Variants in PTK7 observed in about 807,000 individuals in gnomAD.
PTK7 encodes the protein protein tyrosine kinase 7 (inactive).
Under a neutral mutation model 116.6 loss-of-function variants are expected in PTK7, and 39 were observed. The observed-to-expected ratio is 0.33, with a 90% CI of 0.26 to 0.44. PTK7 has a LOEUF of 0.44. PTK7 is among the 20% of genes least tolerant of loss of function. PTK7 has a pLI of 1.00. For synonymous variants in PTK7, 546 were observed against 563.6 expected, an observed-to-expected ratio of 0.97 and a Z score of 0.44; for missense variants, 1,169 against 1,425.6, an observed-to-expected ratio of 0.82 and a Z score of 2.90.
In PTK7 at chr6:43,088,706, T is replaced by C. The variant is rs555143355; in HGVS notation, c.79+12139T>C. ...CGCCATCTCAAAATAAATAAATAAA[T>C]AAATAAATAAATAAATAAATAAATA... On this transcript the variant is annotated intron_variant, in intron 1 of 19. Coordinates refer to ENST00000230419, the MANE Select transcript of PTK7 (RefSeq NM_002821.5). Among the ~76,000 whole-genome samples the C allele has an allele frequency of 3.5e-4, 53 of 151,524 alleles. 1 individual carries two copies. Among genetic ancestry groups the C allele is most frequent in the Non-Finnish European group, 6.2e-4 (42 of 67,846 alleles).
intron 7 of PTK7, among the ~76,000 whole-genome samples, chr6:43,134,072 T>C (rs1769876524): frequency 6.6e-6 from 1 of 152,220 alleles, no homozygotes; most frequent in African/African-American, 2.4e-5. Context: ...GGAGTCTCAC[T>C]CTGTCACCCA....
intron 6 of PTK7, 69 bp from the exon 7 acceptor site, chr6:43,132,352 T>C (rs1769738133): frequency 6.6e-7 from 1 of 1,522,812 alleles, no homozygotes; most frequent in Admixed American, 2.0e-5. Flanking sequence ...CTAGGCTTGC[T>C]GTGGGAGAAC....
At position 43,129,447 on chromosome 6, in the gene PTK7, A is replaced by G; in HGVS notation, c.367+183A>G. On this transcript the variant is annotated intron_variant, in intron 2 of 19. Transcript: ENST00000230419. The surrounding 1 kb of genome is among the most constrained non-coding windows in gnomAD (Gnocchi z 4.5). The stretch of plus-strand genomic sequence containing the variant: ...AAATTAAAAGTTATATTTTTTCCAA[A>G]ATTTTTTCCTTCAAGTCTGGGACCC... The G allele has an allele frequency of 1.0e-6, 1 of 957,016 alleles. No individual in the cohort carries two copies. The allele number at this position is 957,016 out of a possible 1,614,324, so 59.3% of individuals were successfully genotyped here.
Position 43,142,026 on chromosome 6 carries a change from C to T in PTK7, c.1864C>T (p.Leu622=). The T allele has an allele frequency of 6.2e-7, 1 of 1,614,004 alleles. No individual in the cohort carries two copies. Among genetic ancestry groups the T allele is most frequent in the Non-Finnish European group, 8.5e-7 (1 of 1,180,002 alleles). Residue 622 remains leucine (L), a synonymous_variant, in exon 12 of 20, where the codon CTG becomes TTG. Coordinates refer to ENST00000230419, the MANE Select transcript of PTK7 (RefSeq NM_002821.5). The part of the protein sequence containing the change: ...QCEAQGDPKP[L]IQWKGKDRIL... ...CGAGGCCCAGGGGGACCCCAAGCCG[C>T]TGATTCAGTGGAAAGGCAAGGACCG...
Position 43,124,994 on chromosome 6 carries a change from G to A in PTK7, c.80-3983G>A, listed in dbSNP as rs142038849. Among the ~76,000 whole-genome samples, 819 of 152,270 alleles carry A rather than the reference G, an allele frequency of 5.4e-3. 7 individuals carry two copies. The highest frequency in any genetic ancestry group is 0.019 in the African/African-American group (777 of 41,546). On this transcript the variant is annotated intron_variant, in intron 1 of 19. Coordinates refer to ENST00000230419, the MANE Select transcript of PTK7 (RefSeq NM_002821.5). The stretch of plus-strand genomic sequence containing the variant: ...TCGAGACCAGCCTGACCAACATGGA[G>A]AAACTCAGTCTCTACTAAAAATACA...
chr6:43,076,576 C>T lies in PTK7; in HGVS notation c.79+9C>T, dbSNP rs1189910294. The T allele has an allele frequency of 7.6e-6, 12 of 1,574,750 alleles. No homozygotes were observed. Among genetic ancestry groups the T allele is most frequent in the African/African-American group, 1.4e-5 (1 of 71,634 alleles). ...GCTGCCGCTGCTGGGCGGTGAGTAC[C>T]CGAGAGTTGGGGGCACAGAGCTTGG... On this transcript the variant is annotated intron_variant, in intron 1 of 19. Coordinates refer to ENST00000230419, the MANE Select transcript of PTK7 (RefSeq NM_002821.5). The surrounding 1 kb of genome is among the most constrained non-coding windows in gnomAD (Gnocchi z 5.7).
rs374991184 is a variant in PTK7 at position 43,158,982 on chromosome 6, C to T, written c.2873+14C>T. The T allele has an allele frequency of 1.3e-5, 21 of 1,612,326 alleles. No homozygotes were observed. The highest frequency in any genetic ancestry group is 1.6e-4 in the Middle Eastern group (1 of 6,070). Reference sequence around the variant, plus strand: ...TGTGTACAACAGGTAGAAGGGCATGCGTGGGGTGGGGGCTCCCCATTTTTT... The same window carrying T: ...TGTGTACAACAGGTAGAAGGGCATGTGTGGGGTGGGGGCTCCCCATTTTTT... On this transcript the variant is annotated intron_variant, in intron 18 of 19. Coordinates refer to ENST00000230419, the MANE Select transcript of PTK7 (RefSeq NM_002821.5).
At chr6:43,157,364 A>ATATATATATATATATATTTTTTT (rs70990168) in intron 17 of PTK7, among the ~76,000 whole-genome samples, 1 of 54,358 alleles carries the variant, frequency 1.8e-5, no homozygotes, top group Non-Finnish European at 3.3e-5. Context: ...ATATATATAT[A>ATATATATATATATATATTTTTTT]TTTTTTTTTT....
At chr6:43,112,899 G>T (rs1768271186) in intron 1 of PTK7, among the ~76,000 whole-genome samples, 2 of 152,176 alleles carry the variant, frequency 1.3e-5, no homozygotes, top group African/African-American at 4.8e-5. Flanking sequence ...CACAATCATA[G>T]CTCACTGTAA....
chr6:43,144,320 G>T, intron 14 of PTK7, 131 bp from the exon 15 acceptor site: 78 of 952,810 alleles, frequency 8.2e-5, no homozygotes, highest in East Asian at 1.3e-4. Flanking sequence ...ATTTGGGCTT[G>T]CCCTTTCATG....
intron 1 of PTK7, among the ~76,000 whole-genome samples, chr6:43,110,515 G>A (rs1434279498): frequency 2.0e-5 from 3 of 151,958 alleles, no homozygotes; most frequent in Non-Finnish European, 4.4e-5. Flanking sequence ...GGGTTCAAGC[G>A]ATTCTCTTGC....
In PTK7 at chr6:43,139,056, T is replaced by C. The variant is rs1770222470; in HGVS notation, c.1362+74T>C. ...TTGCCCTCTTCTGTGCTCACCTCCA[T>C]AGCACTCTTACCCTGGAGGCAGCCT... is the stretch of plus-strand genomic sequence containing the variant. On this transcript the variant is annotated intron_variant, in intron 8 of 19. Coordinates refer to ENST00000230419, the MANE Select transcript of PTK7 (RefSeq NM_002821.5). This position sits in a 1 kb window ranked among gnomAD's most constrained non-coding sequence, Gnocchi z 4.6. 6.2e-7 allele frequency: 1 copy of C among 1,609,112 alleles called. No homozygotes were observed. Among genetic ancestry groups the C allele is most frequent in the African/African-American group, 1.3e-5 (1 of 74,972 alleles).
intron 1 of PTK7, among the ~76,000 whole-genome samples, chr6:43,081,167 G>A (rs1003228006): frequency 6.6e-6 from 1 of 152,080 alleles, no homozygotes; most frequent in Non-Finnish European, 1.5e-5. Context: ...GTTGTACATT[G>A]CCTTCTCCTG....
rs766547018 is a variant in PTK7, at chr6:43,158,988, G to T, written c.2873+20G>T. On this transcript the variant is annotated intron_variant, in intron 18 of 19. Transcript: ENST00000230419. The stretch of plus-strand genomic sequence containing the variant: ...CAACAGGTAGAAGGGCATGCGTGGG[G>T]TGGGGGCTCCCCATTTTTTCCCAGA... 1 of 1,611,722 alleles carries T rather than the reference G, an allele frequency of 6.2e-7. No homozygotes were observed. The highest frequency in any genetic ancestry group is 1.1e-5 in the South Asian group (1 of 91,054).
At chr6:43,130,743 G>T in intron 5 of PTK7, 82 bp downstream of exon 5, 1 of 1,521,528 alleles carries the variant, frequency 6.6e-7, no homozygotes, top group Non-Finnish European at 9.1e-7. Context: ...TTGTATCACA[G>T]ACATCACAGA....
chr6:43,124,315 G>A (rs1769148005), intron 1 of PTK7, among the ~76,000 whole-genome samples: 1 of 152,200 alleles, frequency 6.6e-6, no homozygotes, highest in African/African-American at 2.4e-5. Flanking sequence ...CAAAAGTAGA[G>A]TCCCTTACTT....
At chr6:43,100,088 T>C (rs1767482014) in intron 1 of PTK7, among the ~76,000 whole-genome samples, 1 of 151,346 alleles carries the variant, frequency 6.6e-6, no homozygotes, top group Non-Finnish European at 1.5e-5. Context: ...CCCTGTCTCT[T>C]AAAAAAAAAT....
Position 43,077,056 on chromosome 6 carries a change from C to CT in PTK7, c.79+490dup, listed in dbSNP as rs1766074813. On this transcript the variant is annotated intron_variant, in intron 1 of 19. Coordinates refer to ENST00000230419, the MANE Select transcript of PTK7 (RefSeq NM_002821.5). ...CGCGCAAAGCGCGGAGCTTTGTTAC[C>CT]TACGCCGACCCGACGTTCCCGGCTT... 9.2e-6 allele frequency: 12 copies of CT among 1,304,186 alleles called. No individual in the cohort carries two copies. The South Asian group carries it at 2.4e-4, about 26-fold the overall frequency. The allele number at this position is 1,304,186 out of a possible 1,614,324, so 80.8% of individuals were successfully genotyped here.
intron 17 of PTK7, among the ~76,000 whole-genome samples, chr6:43,152,747 ATGT>A (rs1412370532): frequency 1.7e-5 from 2 of 119,892 alleles, no homozygotes; most frequent in African/African-American, 7.3e-5. Context: ...ATGTTATGTT[ATGT>A]TATGTTATGT....
Sources: gnomAD v4.1 joint callset for allele counts (sites outside exome capture counted in the v4.1 genomes callset) on GRCh38, gnomAD v4.1.1 for gene constraint, Gnocchi (gnomAD v3.1) non-coding constraint, MANE v1.5 for transcripts, NCBI Gene and HGNC (gene_info 2026-07-23, HGNC 2026-07-21) for gene names.